Variants in SIK2 observed in about 807,000 individuals in gnomAD.
SIK2 encodes the protein salt inducible kinase 2.
Under a neutral mutation model 103.2 loss-of-function variants are expected in SIK2, and 29 were observed. The ratio of observed to expected loss-of-function variants is 0.28; its 90% CI spans 0.21 to 0.38. The LOEUF is 0.38. Ranked by LOEUF, SIK2 falls within the 10% of genes least tolerant of loss-of-function variation. The pLI is 1.00. For synonymous variants in SIK2, 412 were observed against 446.1 expected, an observed-to-expected ratio of 0.92 and a Z score of 0.96; for missense variants, 879 against 1,171.0, an observed-to-expected ratio of 0.75 and a Z score of 3.64.
At chr11:111,691,661 A>G (rs1942944763) in intron 4 of SIK2, among the ~76,000 whole-genome samples, 1 of 152,192 alleles carries the variant, frequency 6.6e-6, no homozygotes, top group African/African-American at 2.4e-5. Flanking sequence ...ATTCATTACA[A>G]GCAGACACAC....
rs1943843439 is a variant in SIK2, at chr11:111,722,850, T to C, written c.2147+94T>C. ...GTCCTTTTCCTCTCACATTCGCCAC[T>C]ACTAGGAAAATAGGTTTTCTGCGTG... On this transcript the variant is annotated intron_variant, in intron 14 of 14. Transcript: ENST00000304987. The surrounding 1 kb of genome is among the most constrained non-coding windows in gnomAD (Gnocchi z 4.4). 2 of 1,171,302 alleles carry C rather than the reference T, an allele frequency of 1.7e-6. No homozygotes were observed. Among genetic ancestry groups the C allele is most frequent in the African/African-American group, 1.5e-5 (1 of 64,918 alleles). 72.6% of individuals were successfully genotyped at this position (1,171,302 alleles called of 1,614,324 possible).
intron 3 of SIK2, among the ~76,000 whole-genome samples, chr11:111,656,289 ATATTTATATTACTTT>A (rs1187655087): frequency 2.6e-5 from 4 of 152,148 alleles, no homozygotes; most frequent in Non-Finnish European, 5.9e-5. Context: ...GGCCAAGAAC[ATATTTATATTACTTT>A]TAACTATTTC....
At chr11:111,693,876 G>A (rs1179042294) in intron 4 of SIK2, among the ~76,000 whole-genome samples, 1 of 152,160 alleles carries the variant, frequency 6.6e-6, no homozygotes, top group South Asian at 2.1e-4. Flanking sequence ...GTCAGAGTAT[G>A]GGCTGTGTAG....
At chr11:111,624,499 C>A (rs1240984940) in intron 3 of SIK2, among the ~76,000 whole-genome samples, 1 of 152,106 alleles carries the variant, frequency 6.6e-6, no homozygotes, top group African/African-American at 2.4e-5. Flanking sequence ...CCTTTTTCCT[C>A]TTTATTCATT....
chr11:111,634,430 AGTATGAACCTAAGTTTTAATT>A (rs1942078385), intron 3 of SIK2, among the ~76,000 whole-genome samples: 2 of 152,132 alleles, frequency 1.3e-5, no homozygotes, highest in South Asian at 4.1e-4. Flanking sequence ...TTATTTTGCC[AGTATGAACCTAAGTTTTAATT>A]CTTTTTTTTT....
At chr11:111,712,885 C>G (rs117226190) in intron 9 of SIK2, among the ~76,000 whole-genome samples, 6,722 of 152,276 alleles carry the variant, frequency 0.044, 219 homozygotes, top group Non-Finnish European at 0.066. Context: ...ATGTGCTGGG[C>G]CAGGCACAGT....
intron 4 of SIK2, among the ~76,000 whole-genome samples, chr11:111,689,955 G>A (rs1409843650): frequency 1.3e-5 from 2 of 148,794 alleles, no homozygotes; most frequent in African/African-American, 2.5e-5. Flanking sequence ...AAGTTAATTT[G>A]TTATATTCAT....
intron 3 of SIK2, among the ~76,000 whole-genome samples, chr11:111,641,927 T>A (rs911136521): frequency 6.6e-6 from 1 of 152,186 alleles, no homozygotes; most frequent in Non-Finnish European, 1.5e-5. Flanking sequence ...AGTCTCAGGT[T>A]CTCATTTGTA....
intron 3 of SIK2, among the ~76,000 whole-genome samples, chr11:111,662,745 G>T (rs1318026204): frequency 1.3e-5 from 2 of 151,754 alleles, no homozygotes; most frequent in East Asian, 1.9e-4. Flanking sequence ...GGGCATGGTG[G>T]TGTGTGCATG....
chr11:111,635,328 T>G (rs984411710), intron 3 of SIK2, among the ~76,000 whole-genome samples: 2 of 150,830 alleles, frequency 1.3e-5, no homozygotes, highest in Non-Finnish European at 3.0e-5. Context: ...AGTAAGTGAT[T>G]TATGTGCTGG....
chr11:111,680,166 A>G (rs987030552), intron 3 of SIK2, among the ~76,000 whole-genome samples: 9 of 152,052 alleles, frequency 5.9e-5, no homozygotes, highest in Non-Finnish European at 1.0e-4. Flanking sequence ...ACATTTTTGT[A>G]CTGATCAGAA....
intron 3 of SIK2, among the ~76,000 whole-genome samples, chr11:111,648,042 C>T (rs1348722103): frequency 6.6e-6 from 1 of 151,088 alleles, no homozygotes; most frequent in African/African-American, 2.4e-5. Flanking sequence ...AAGAATTACC[C>T]TTGGAATTAG....
intron 3 of SIK2, among the ~76,000 whole-genome samples, chr11:111,639,795 G>A (rs939820123): frequency 6.6e-6 from 1 of 152,168 alleles, no homozygotes; most frequent in Non-Finnish European, 1.5e-5. Flanking sequence ...TGGGAGTTTT[G>A]ACTCAGGATT....
intron 3 of SIK2, among the ~76,000 whole-genome samples, chr11:111,662,386 G>GA (rs1053179919): frequency 2.2e-4 from 33 of 152,144 alleles, no homozygotes; most frequent in Admixed American, 1.6e-3. Context: ...CTAAGCGAGG[G>GA]AAAAAAACAG....
chr11:111,611,753 A>G (rs1941729316), intron 1 of SIK2, among the ~76,000 whole-genome samples: 1 of 152,176 alleles, frequency 6.6e-6, no homozygotes, highest in Admixed American at 6.5e-5. Flanking sequence ...GAACACCACC[A>G]AAAAAGGGGA....
intron 1 of SIK2, among the ~76,000 whole-genome samples, chr11:111,609,690 AG>A (rs1941694425): frequency 6.6e-6 from 1 of 152,208 alleles, no homozygotes; most frequent in Non-Finnish European, 1.5e-5. Context: ...ATTGGAAAAA[AG>A]TCTCCTTTTT....
At chr11:111,671,607 G>A in intron 3 of SIK2, 1 of 337,392 alleles carries the variant, frequency 3.0e-6, no homozygotes, top group South Asian at 2.9e-5. Flanking sequence ...AGACCTTGGT[G>A]ATGATGCTGT....
Position 111,688,277 on chromosome 11 carries a change from T to C in SIK2, c.478+115T>C. 1 of 973,150 alleles carries C rather than the reference T, an allele frequency of 1.0e-6. No homozygotes were observed. The highest frequency in any genetic ancestry group is 2.4e-5 in the East Asian group (1 of 40,852). 60.3% of individuals were successfully genotyped at this position (973,150 alleles called of 1,614,324 possible). On this transcript the variant is annotated intron_variant, in intron 4 of 14. Transcript: ENST00000304987. The surrounding 1 kb of genome is among the most constrained non-coding windows in gnomAD (Gnocchi z 4.2). ...GCATTTCTACCTGATGACATCAGGCTATCTCAAAGTCCATTTTATTCATTT... is the reference window on the plus strand; with the variant it reads ...GCATTTCTACCTGATGACATCAGGCCATCTCAAAGTCCATTTTATTCATTT...
intron 3 of SIK2, among the ~76,000 whole-genome samples, chr11:111,653,515 T>A (rs148773538): frequency 6.6e-6 from 1 of 152,272 alleles, no homozygotes; most frequent in Non-Finnish European, 1.5e-5. Flanking sequence ...GAAAGGGAAT[T>A]GGCATTTTCG....
Sources: gnomAD v4.1 joint callset for allele counts (sites outside exome capture counted in the v4.1 genomes callset) on GRCh38, gnomAD v4.1.1 for gene constraint, Gnocchi (gnomAD v3.1) non-coding constraint, MANE v1.5 for transcripts, NCBI Gene and HGNC (gene_info 2026-07-23, HGNC 2026-07-21) for gene names.